ACSL3: variants seen among roughly 807,000 people sequenced by gnomAD.
ACSL3 encodes fatty acid CoA ligase Acsl3.
In ACSL3, 34 loss-of-function variants were observed where a neutral mutation model predicts 84.7. That is an observed-to-expected ratio of 0.40 (90% CI 0.31 to 0.53). The LOEUF is 0.53. Ranked by LOEUF, ACSL3 falls within the 20% of genes least tolerant of loss-of-function variation. The pLI is 0.48. For synonymous variants in ACSL3, 315 were observed against 299.4 expected (o/e 1.05, Z -0.54); for missense variants, 680 against 873.1 (o/e 0.78, Z 2.79).
intron 2 of ACSL3, among the ~76,000 whole-genome samples, chr2:222,900,259 C>T (rs115367418): frequency 0.013 from 1,918 of 152,344 alleles, 45 homozygotes; most frequent in African/African-American, 0.043. Context: ...TCTCCCCTCC[C>T]TTGGCTTTTG....
chr2:222,910,552 A>G (rs35356121), intron 4 of ACSL3, among the ~76,000 whole-genome samples: 6,202 of 152,322 alleles, frequency 0.041, 196 homozygotes, highest in Middle Eastern at 0.092. Flanking sequence ...AACCTCCTCT[A>G]TATATGGCCC....
At chr2:222,891,406 T>A (rs1322987386) in intron 2 of ACSL3, among the ~76,000 whole-genome samples, 1 of 152,208 alleles carries the variant, frequency 6.6e-6, no homozygotes, top group African/African-American at 2.4e-5. Context: ...TCTAGTCTAG[T>A]GTATGTGTTT....
Position 222,941,505 on chromosome 2 carries a change from GAA to G in ACSL3, c.2017_2018del (p.Lys673ValfsTer2). On this transcript the variant is annotated frameshift_variant, in exon 17 of 17. Transcript: ENST00000357430. LOFTEE classifies it high-confidence loss of function. ...LSEAAISASL[E>X]KFEIPVKIRL... ...TTTTTTAATCATCTTAGCAAGTCTG[GAA>G]AAGTTTGAAATTCCAGTAAAAATTC... The G allele has an allele frequency of 6.2e-7, 1 of 1,603,148 alleles. No individual in the cohort carries two copies. Among genetic ancestry groups the G allele is most frequent in the Non-Finnish European group, 8.5e-7 (1 of 1,175,818 alleles).
intron 16 of ACSL3, among the ~76,000 whole-genome samples, chr2:222,935,219 G>T (rs1344985425): frequency 6.6e-6 from 1 of 151,990 alleles, no homozygotes; most frequent in Non-Finnish European, 1.5e-5. Context: ...AAGAGACAGG[G>T]TCTCTTCTGT....
intron 1 of ACSL3, among the ~76,000 whole-genome samples, chr2:222,887,041 C>A (rs1695741470): frequency 6.6e-6 from 1 of 152,162 alleles, no homozygotes; most frequent in Non-Finnish European, 1.5e-5. Context: ...TACAGAATAG[C>A]TTTATTGCCC....
chr2:222,900,125 G>A (rs923960225), intron 2 of ACSL3, among the ~76,000 whole-genome samples: 1 of 152,122 alleles, frequency 6.6e-6, no homozygotes, highest in Admixed American at 6.5e-5. Context: ...AATAAGATGC[G>A]GTTGTCCAAA....
At chr2:222,884,783 G>A (rs941535958) in intron 1 of ACSL3, among the ~76,000 whole-genome samples, 2 of 152,146 alleles carry the variant, frequency 1.3e-5, no homozygotes, top group African/African-American at 4.8e-5. Flanking sequence ...ACTACTTAGA[G>A]TCTTCTGAAA....
chr2:222,941,185 T>C (rs1290020993), intron 16 of ACSL3, among the ~76,000 whole-genome samples: 1 of 152,134 alleles, frequency 6.6e-6, no homozygotes, highest in Non-Finnish European at 1.5e-5. Context: ...CTGCCTGAGC[T>C]TTCAGAGTTA....
intron 14 of ACSL3, 72 bp downstream of exon 14, chr2:222,930,884 G>C: frequency 7.6e-7 from 1 of 1,324,452 alleles, no homozygotes; most frequent in East Asian, 2.3e-5. Flanking sequence ...AATATATTTA[G>C]AGGAGGCGCT....
intron 16 of ACSL3, among the ~76,000 whole-genome samples, chr2:222,938,583 C>CT (rs1697230786): frequency 6.6e-6 from 1 of 152,104 alleles, no homozygotes; most frequent in Non-Finnish European, 1.5e-5. Flanking sequence ...TTTTTTGTGA[C>CT]TTTTGACAGC....
intron 2 of ACSL3, among the ~76,000 whole-genome samples, chr2:222,894,436 C>A (rs1695920412): frequency 6.6e-6 from 1 of 152,236 alleles, no homozygotes; most frequent in South Asian, 2.1e-4. Flanking sequence ...TTAAAAAACA[C>A]ATTTCAAGTG....
chr2:222,868,180 A>C (rs1041734381), intron 1 of ACSL3, among the ~76,000 whole-genome samples: 21 of 151,862 alleles, frequency 1.4e-4, no homozygotes, highest in Non-Finnish European at 2.1e-4. Context: ...TCCTTTAAAT[A>C]TTTTCCTCTA....
intron 1 of ACSL3, among the ~76,000 whole-genome samples, chr2:222,879,729 A>G (rs2106092244): frequency 6.6e-6 from 1 of 152,308 alleles, no homozygotes; most frequent in African/African-American, 2.4e-5. Context: ...CTGTGGATGC[A>G]CACATTTGCC....
intron 12 of ACSL3, 85 bp downstream of exon 12, chr2:222,927,274 A>C (rs1696908917): frequency 1.4e-6 from 2 of 1,409,000 alleles, no homozygotes; most frequent in Non-Finnish European, 2.0e-6. Context: ...TATATAGGAG[A>C]AGAGTAGTAA....
intron 1 of ACSL3, among the ~76,000 whole-genome samples, chr2:222,873,001 A>G (rs1695345149): frequency 1.3e-5 from 2 of 152,200 alleles, no homozygotes; most frequent in East Asian, 3.8e-4. Flanking sequence ...GAAGCAATCC[A>G]TTGAGAGTAG....
rs537198822 is a variant in ACSL3 at position 222,928,207 on chromosome 2, GTCTTAT to G, written c.1466-650_1466-645del. ...TTCCTCACATCCTTGAAAGCCACCAGTCTTATTCTTCAGCCTGGCTCTTGAGCTATT... is the reference window on the plus strand; with the variant it reads ...TTCCTCACATCCTTGAAAGCCACCAGTCTTCAGCCTGGCTCTTGAGCTATT... On this transcript the variant is annotated intron_variant, in intron 12 of 16. Coordinates refer to ENST00000357430, the MANE Select transcript of ACSL3 (RefSeq NM_004457.5). 3.3e-5 allele frequency among the ~76,000 whole-genome samples: 5 copies of G among 152,294 alleles called. No individual in the cohort carries two copies. The East Asian group carries it at 7.7e-4, about 24-fold the overall frequency.
At chr2:222,912,956 G>A (rs990317943) in intron 4 of ACSL3, among the ~76,000 whole-genome samples, 1 of 152,160 alleles carries the variant, frequency 6.6e-6, no homozygotes, top group Non-Finnish European at 1.5e-5. Flanking sequence ...TTGCACTAAC[G>A]TCGTCTTGAA....
At chr2:222,874,283 C>T (rs1033422459) in intron 1 of ACSL3, among the ~76,000 whole-genome samples, 2 of 152,184 alleles carry the variant, frequency 1.3e-5, no homozygotes, top group African/African-American at 4.8e-5. Flanking sequence ...CCTCGGTCTC[C>T]CAAGGTGCTG....
At chr2:222,886,832 C>T (rs1695734546) in intron 1 of ACSL3, among the ~76,000 whole-genome samples, 1 of 152,020 alleles carries the variant, frequency 6.6e-6, no homozygotes, top group Admixed American at 6.5e-5. Context: ...ATACCCCTTC[C>T]CCTACACAGG....
Sources: allele counts gnomAD v4.1 joint callset (sites outside exome capture counted in the v4.1 genomes callset), GRCh38; gene constraint gnomAD v4.1.1; transcripts MANE v1.5; gene names NCBI Gene and HGNC (gene_info 2026-07-23, HGNC 2026-07-21).